Variants in KSR1 observed in about 807,000 individuals in gnomAD.
The protein encoded by KSR1 is kinase suppressor of ras 1.
Under a neutral mutation model 92.9 loss-of-function variants are expected in KSR1, and 35 were observed. The ratio of observed to expected loss-of-function variants is 0.38; its 90% CI spans 0.29 to 0.50. The LOEUF is 0.50. Among genes scored for constraint, KSR1 ranks in the 20% least tolerant of loss-of-function variants. The pLI is 0.94. For synonymous variants in KSR1, 467 were observed against 472.6 expected, an observed-to-expected ratio of 0.99 and a Z score of 0.15; for missense variants, 972 against 1,158.5, an observed-to-expected ratio of 0.84 and a Z score of 2.34.
intron 1 of KSR1, among the ~76,000 whole-genome samples, chr17:27,502,678 G>C (rs866679790): frequency 3.9e-5 from 6 of 152,322 alleles, no homozygotes; most frequent in Middle Eastern, 6.8e-3. Flanking sequence ...TCACACTTGA[G>C]CGTCAGCACA....
At chr17:27,487,852 C>T (rs1442401130) in intron 1 of KSR1, among the ~76,000 whole-genome samples, 4 of 152,044 alleles carry the variant, frequency 2.6e-5, no homozygotes, top group African/African-American at 4.8e-5. Flanking sequence ...CTTTCAACAA[C>T]CAGCTCTCAC....
intron 1 of KSR1, among the ~76,000 whole-genome samples, chr17:27,490,532 C>T (rs1321946202): frequency 6.6e-6 from 1 of 152,018 alleles, no homozygotes. Context: ...GGAAGCTGTA[C>T]TGGTAGGAGG....
chr17:27,610,544 C>T (rs1019926630), intron 17 of KSR1, among the ~76,000 whole-genome samples: 1 of 152,310 alleles, frequency 6.6e-6, no homozygotes, highest in African/African-American at 2.4e-5. Flanking sequence ...AGAACTGCTC[C>T]TCCCAGTCTG....
intron 3 of KSR1, among the ~76,000 whole-genome samples, chr17:27,580,129 A>G (rs1465786754): frequency 6.6e-6 from 1 of 152,178 alleles, no homozygotes; most frequent in Non-Finnish European, 1.5e-5. Context: ...GTGATTAAAT[A>G]GGCAACTTGC....
intron 2 of KSR1, among the ~76,000 whole-genome samples, chr17:27,553,482 TC>T (rs1322339405): frequency 6.6e-6 from 1 of 151,870 alleles, no homozygotes; most frequent in Non-Finnish European, 1.5e-5. Flanking sequence ...CCTCCTTCCG[TC>T]CCCCCAGTTG....
chr17:27,607,999 G>A lies in KSR1; in HGVS notation c.2080G>A (p.Glu694Lys). The change falls in exon 15 of 21, where the codon GAG (glutamate) becomes AAG (lysine). Residue 694 changes from glutamate (E) to lysine (K), a missense_variant. By Grantham distance (56) the Glu-to-Lys change is moderately conservative. This residue lies in a region of KSR1 where 260 missense variants were observed against 375.2 expected (regional missense o/e 0.69). Transcript: ENST00000644974. ...DINKTRQIAQ[E>K]IIKGMGYLHA... ...CAACAAGACGAGGCAAATCGCTCAG[G>A]AGATCATCAAGGTGAGGGGGTGCCC... The A allele has an allele frequency of 3.1e-6, 5 of 1,607,340 alleles. No individual in the cohort carries two copies. Among genetic ancestry groups the A allele is most frequent in the Non-Finnish European group, 4.2e-6 (5 of 1,176,798 alleles).
chr17:27,532,959 A>C (rs946952408), intron 1 of KSR1, among the ~76,000 whole-genome samples: 1 of 152,238 alleles, frequency 6.6e-6, no homozygotes, highest in Admixed American at 6.5e-5. Flanking sequence ...GCTCTGACAC[A>C]TACCAGCTGG....
chr17:27,528,279 C>G (rs778602568), intron 1 of KSR1, among the ~76,000 whole-genome samples: 7 of 152,002 alleles, frequency 4.6e-5, no homozygotes, highest in Non-Finnish European at 7.4e-5. Flanking sequence ...GTTGGCCAGG[C>G]TGGTCTCAAA....
At position 27,623,432 on chromosome 17, in the gene KSR1, A is replaced by G; in HGVS notation, c.*40A>G. ...TTTCGCTGCTGATCTCTTTCTTTTT[A>G]AAATGTGTTTCTGAAACATCCCAAC... On this transcript the variant is annotated 3_prime_UTR_variant, in exon 21 of 21. Transcript: ENST00000644974. The G allele has an allele frequency of 1.3e-6, 1 of 745,254 alleles. No individual in the cohort carries two copies. The highest frequency in any genetic ancestry group is 2.3e-4 in the Middle Eastern group (1 of 4,402). The allele number at this position is 745,254 out of a possible 1,614,324, so 46.2% of individuals were successfully genotyped here.
At chr17:27,511,971 A>G (rs549254622) in intron 1 of KSR1, among the ~76,000 whole-genome samples, 14 of 152,370 alleles carry the variant, frequency 9.2e-5, no homozygotes, top group African/African-American at 3.4e-4. Flanking sequence ...CTAGGATAGC[A>G]GAGCCCAAGT....
chr17:27,551,802 A>G (rs1326904920), intron 2 of KSR1, among the ~76,000 whole-genome samples: 1 of 152,176 alleles, frequency 6.6e-6, no homozygotes, highest in East Asian at 1.9e-4. Context: ...ACCACGGTCC[A>G]GGCCGCTGTC....
intron 1 of KSR1, among the ~76,000 whole-genome samples, chr17:27,523,228 A>T (rs1291946941): frequency 3.9e-5 from 6 of 152,246 alleles, no homozygotes; most frequent in Admixed American, 6.5e-5. Flanking sequence ...CTAAAAGCCT[A>T]TTAGCCAGGA....
At chr17:27,610,326 T>G (rs1478621208) in intron 17 of KSR1, 128 bp downstream of exon 17, 4 of 1,296,854 alleles carry the variant, frequency 3.1e-6, no homozygotes, top group Non-Finnish European at 4.3e-6. Context: ...AAATCAACCT[T>G]GAGTCCTGGC....
At chr17:27,613,476 A>G (rs1466958057) in intron 18 of KSR1, among the ~76,000 whole-genome samples, 2 of 152,226 alleles carry the variant, frequency 1.3e-5, no homozygotes, top group Non-Finnish European at 2.9e-5. Context: ...TCAGGCCACC[A>G]CACACGAGCT....
At chr17:27,532,592 G>A (rs2070583964) in intron 1 of KSR1, among the ~76,000 whole-genome samples, 1 of 152,246 alleles carries the variant, frequency 6.6e-6, no homozygotes, top group Non-Finnish European at 1.5e-5. Context: ...AGAACTAGCA[G>A]GAGGCCCTCG....
intron 10 of KSR1, among the ~76,000 whole-genome samples, chr17:27,598,701 GGCAGTCACA>G (rs1229943594): frequency 2.6e-5 from 4 of 152,170 alleles, no homozygotes; most frequent in African/African-American, 9.7e-5. Flanking sequence ...TTTGGAACAC[GGCAGTCACA>G]GAAAAAGTTC....
rs2070814266 is a variant in KSR1, at chr17:27,538,023, G to A, written c.232-12545G>A. 2.0e-5 allele frequency among the ~76,000 whole-genome samples: 3 copies of A among 152,212 alleles called. No homozygotes were observed. In the East Asian group the frequency reaches 5.8e-4, roughly 29 times the overall value. ...AAGTTGGACTTCATAAAAATTAGCTGCTCTTCGAGATTTAAGGACTTTTGG... is the reference window on the plus strand; with the variant it reads ...AAGTTGGACTTCATAAAAATTAGCTACTCTTCGAGATTTAAGGACTTTTGG... On this transcript the variant is annotated intron_variant, in intron 1 of 20. Transcript: ENST00000644974.
chr17:27,601,801 T>A (rs1598123706), intron 11 of KSR1: 1 of 893,612 alleles, frequency 1.1e-6, no homozygotes, highest in East Asian at 2.6e-5. Flanking sequence ...GAGGATATCT[T>A]ATGCACAATG....
At chr17:27,464,889 G>C (rs1454669110) in intron 1 of KSR1, among the ~76,000 whole-genome samples, 3 of 151,102 alleles carry the variant, frequency 2.0e-5, no homozygotes, top group Admixed American at 6.6e-5. Context: ...GAAGAAGAAT[G>C]CTCCTGGGCC....
Sources: allele counts gnomAD v4.1 joint callset (sites outside exome capture counted in the v4.1 genomes callset), GRCh38; gene constraint gnomAD v4.1.1; regional missense constraint gnomAD v4.1.1; transcripts MANE v1.5; gene names NCBI Gene and HGNC (gene_info 2026-07-23, HGNC 2026-07-21).